FAT4: variants seen among roughly 807,000 people sequenced by gnomAD.
FAT4 encodes FAT atypical cadherin 4.
Under a neutral mutation model 303.9 loss-of-function variants are expected in FAT4, and 84 were observed. The observed-to-expected ratio is 0.28, with a 90% CI of 0.23 to 0.33. The LOEUF (loss-of-function observed/expected upper bound fraction) is 0.33. Among genes scored for constraint, FAT4 ranks in the 10% least tolerant of loss-of-function variants. The probability of loss-of-function intolerance (pLI) is 1.00; values close to 1 mark genes in which losing one functional copy is unlikely to be tolerated. For missense variants in FAT4, 6,005 were observed against 6,146.8 expected, an observed-to-expected ratio of 0.98 and a Z score of 0.77; for synonymous variants, 2,307 against 2,298.8, an observed-to-expected ratio of 1.00 and a Z score of -0.10.
chr4:125,474,553 A>AAATGGCAAAAG (rs1726965789), intron 12 of FAT4, among the ~76,000 whole-genome samples: 1 of 152,002 alleles, frequency 6.6e-6, no homozygotes, highest in Non-Finnish European at 1.5e-5. Flanking sequence ...AATGGCAAAA[A>AAATGGCAAAAG]AAATTCCATG....
At chr4:125,418,984 A>T (rs562896213) in intron 7 of FAT4, among the ~76,000 whole-genome samples, 3 of 152,298 alleles carry the variant, frequency 2.0e-5, no homozygotes, top group South Asian at 4.1e-4. Context: ...ATGAATTCAG[A>T]TAATTAATTT....
intron 8 of FAT4, among the ~76,000 whole-genome samples, chr4:125,445,738 A>G (rs1288777894): frequency 6.6e-6 from 1 of 152,100 alleles, no homozygotes; most frequent in African/African-American, 2.4e-5. Flanking sequence ...ACAAAACCAT[A>G]TGAGGAATGA....
chr4:125,467,309 A>G (rs1214213759), intron 11 of FAT4, among the ~76,000 whole-genome samples: 1 of 152,160 alleles, frequency 6.6e-6, no homozygotes, highest in Non-Finnish European at 1.5e-5. Context: ...ATACTCTATA[A>G]AATAATGGCA....
chr4:125,387,515 A>G (rs1733800687), intron 2 of FAT4, among the ~76,000 whole-genome samples: 3 of 152,150 alleles, frequency 2.0e-5, no homozygotes, highest in Admixed American at 2.0e-4. Flanking sequence ...TCTTAAAAAA[A>G]CACAATCTGA....
chr4:125,461,679 A>G lies in FAT4; in HGVS notation c.11801-1884A>G, dbSNP rs2126069864. Among the ~76,000 whole-genome samples, 5 of 152,182 alleles carry G rather than the reference A, an allele frequency of 3.3e-5. 1 individual carries two copies. In the Middle Eastern group the frequency reaches 0.01, roughly 311 times the overall value. ...AAACTGTACCTAGTCAAAAAGCACAAGTGAAAATTATGTGTGCTTTTACAG... is the reference window on the plus strand; with the variant it reads ...AAACTGTACCTAGTCAAAAAGCACAGGTGAAAATTATGTGTGCTTTTACAG... On this transcript the variant is annotated intron_variant, in intron 10 of 17. Coordinates refer to ENST00000394329, the MANE Select transcript of FAT4 (RefSeq NM_001291303.3).
intron 2 of FAT4, among the ~76,000 whole-genome samples, chr4:125,330,212 C>G (rs1037951800): frequency 5.4e-5 from 7 of 129,070 alleles, no homozygotes; most frequent in Non-Finnish European, 1.2e-4. Context: ...ACCTCCCATA[C>G]TTCAAGTATT....
chr4:125,402,796 A>C (rs1290002507), intron 3 of FAT4, among the ~76,000 whole-genome samples: 1 of 152,002 alleles, frequency 6.6e-6, no homozygotes, highest in Non-Finnish European at 1.5e-5. Context: ...CCTTCTTCCT[A>C]ATATTCTCAT....
Position 125,315,525 on chromosome 4 carries a change from G to A in FAT4, c.-465G>A, listed in dbSNP as rs927757784. Among the ~76,000 whole-genome samples the A allele has an allele frequency of 1.3e-5, 2 of 152,192 alleles. No individual in the cohort carries two copies. Among genetic ancestry groups the A allele is most frequent in the African/African-American group, 4.8e-5 (2 of 41,468 alleles). On this transcript the variant is annotated 5_prime_UTR_variant, in exon 1 of 18. Transcript: ENST00000394329. ...TGCCCGACCCCTGCGAGGCCGAGAA[G>A]AAAGGGGAAACTGCGTTCGATTTGG...
intron 7 of FAT4, among the ~76,000 whole-genome samples, chr4:125,432,427 C>T (rs1725312164): frequency 1.3e-5 from 2 of 152,188 alleles, no homozygotes; most frequent in South Asian, 4.1e-4. Flanking sequence ...CCAGTGCATG[C>T]ATATCTAAGG....
At chr4:125,366,067 T>G (rs914414413) in intron 2 of FAT4, among the ~76,000 whole-genome samples, 1 of 152,128 alleles carries the variant, frequency 6.6e-6, no homozygotes, top group Non-Finnish European at 1.5e-5. Context: ...TTATGAGACC[T>G]GCCCCACCCT....
At chr4:125,429,159 T>C (rs1725198488) in intron 7 of FAT4, among the ~76,000 whole-genome samples, 1 of 152,222 alleles carries the variant, frequency 6.6e-6, no homozygotes, top group African/African-American at 2.4e-5. Context: ...TCTTGTTCTC[T>C]GACCCCAGCC....
At chr4:125,425,024 G>A (rs1725041253) in intron 7 of FAT4, among the ~76,000 whole-genome samples, 1 of 152,150 alleles carries the variant, frequency 6.6e-6, no homozygotes, top group Non-Finnish European at 1.5e-5. Flanking sequence ...ATAACTAATT[G>A]AGATGTCACG....
rs557211984 is a variant in FAT4, at chr4:125,343,494, GA to G, written c.5175+21918del. On this transcript the variant is annotated intron_variant, in intron 2 of 17. Transcript: ENST00000394329. ...GATTTACAACTCCATTTGCTAAGAAGAAAAAAAAAATGAAGAAACTTAAATT... is the reference window on the plus strand; with the variant it reads ...GATTTACAACTCCATTTGCTAAGAAGAAAAAAAAATGAAGAAACTTAAATT... Among the ~76,000 whole-genome samples, 59 of 146,798 alleles carry G rather than the reference GA, an allele frequency of 4.0e-4. 1 individual carries two copies. The South Asian group carries it at 7.8e-3, about 19-fold the overall frequency.
rs1431559823 is a variant in FAT4 at position 125,491,252 on chromosome 4, T to C, written c.14436T>C (p.His4812=). 1.2e-6 allele frequency: 2 copies of C among 1,614,002 alleles called. No individual in the cohort carries two copies. The highest frequency in any genetic ancestry group is 1.3e-5 in the African/African-American group (1 of 74,930). Reference sequence around the variant, plus strand: ...ACCCAAGTATCTGCAGTGCAGACCATGGGAGGTCTTCTTCAGAGGAGGACT... The same window carrying C: ...ACCCAAGTATCTGCAGTGCAGACCACGGGAGGTCTTCTTCAGAGGAGGACT... The part of the protein sequence containing the change: ...PRNPSICSAD[H]GRSSSEEDCR... The change falls in exon 18 of 18, where the codon CAT becomes CAC. Residue 4812 remains histidine, a synonymous_variant. Transcript: ENST00000394329.
intron 3 of FAT4, among the ~76,000 whole-genome samples, chr4:125,405,803 C>T (rs1217451602): frequency 1.3e-5 from 2 of 152,046 alleles, no homozygotes; most frequent in African/African-American, 2.4e-5. Context: ...CGCCTGGCCA[C>T]TTGTTGGCCA....
chr4:125,391,796 T>C (rs1287287180), intron 2 of FAT4, among the ~76,000 whole-genome samples: 1 of 152,210 alleles, frequency 6.6e-6, no homozygotes, highest in African/African-American at 2.4e-5. Flanking sequence ...TTTGAATTGC[T>C]TTAAAATATC....
chr4:125,405,189 T>A (rs935625564), intron 3 of FAT4, among the ~76,000 whole-genome samples: 5 of 152,084 alleles, frequency 3.3e-5, no homozygotes, highest in African/African-American at 1.2e-4. Context: ...CTATATCACC[T>A]TTTTTTATCT....
chr4:125,354,972 T>C (rs1459798399), intron 2 of FAT4, among the ~76,000 whole-genome samples: 6 of 151,826 alleles, frequency 4.0e-5, no homozygotes, highest in African/African-American at 1.4e-4. Flanking sequence ...ATTTATATTA[T>C]GACAGTTTTT....
intron 2 of FAT4, among the ~76,000 whole-genome samples, chr4:125,336,459 C>T (rs73845982): frequency 4.6e-4 from 70 of 151,846 alleles, no homozygotes; most frequent in African/African-American, 1.3e-3. Flanking sequence ...CCTAGGGAAA[C>T]GAATAAAAAT....
Sources: gnomAD v4.1 joint callset for allele counts (sites outside exome capture counted in the v4.1 genomes callset) on GRCh38, gnomAD v4.1.1 for gene constraint, MANE v1.5 for transcripts, NCBI Gene and HGNC (gene_info 2026-07-23, HGNC 2026-07-21) for gene names.